The following CCDC178 variants were observed in gnomAD, a reference collection of about 807,000 sequenced individuals.
CCDC178 encodes coiled-coil domain-containing protein 178.
CCDC178 carries 126 observed loss-of-function variants against 117.4 expected under a neutral mutation model. The observed-to-expected ratio is 1.07, with a 90% CI of 0.93 to 1.24. The LOEUF (loss-of-function observed/expected upper bound fraction) is 1.24, where lower values mean the gene tolerates loss of function less well. Ranked by LOEUF, CCDC178 falls within the 50% of genes most tolerant of loss-of-function variation. The pLI, the probability that CCDC178 is intolerant of heterozygous loss-of-function variation, is 0.00. For synonymous variants in CCDC178, 283 were observed against 313.4 expected, an observed-to-expected ratio of 0.90 and a Z score of 1.02; for missense variants, 1,030 against 986.9, an observed-to-expected ratio of 1.04 and a Z score of -0.59.
chr18:33,115,342 A>G (rs1276220992), intron 20 of CCDC178, among the ~76,000 whole-genome samples: 1 of 152,020 alleles, frequency 6.6e-6, no homozygotes, highest in Non-Finnish European at 1.5e-5. Context: ...ATCAAAATGT[A>G]CTATATCCAG....
At chr18:33,366,482 C>G (rs1274072303) in intron 6 of CCDC178, among the ~76,000 whole-genome samples, 1 of 151,906 alleles carries the variant, frequency 6.6e-6, no homozygotes, top group East Asian at 1.9e-4. Flanking sequence ...GCTTTGACCT[C>G]TAACATTAAA....
At chr18:33,262,624 C>G (rs1372991098) in intron 14 of CCDC178, among the ~76,000 whole-genome samples, 1 of 152,046 alleles carries the variant, frequency 6.6e-6, no homozygotes, top group Non-Finnish European at 1.5e-5. Context: ...CATAAAAACA[C>G]GTATTGCATG....
At chr18:33,007,263 G>C (rs949432050) in intron 21 of CCDC178, among the ~76,000 whole-genome samples, 1 of 151,880 alleles carries the variant, frequency 6.6e-6, no homozygotes, top group East Asian at 1.9e-4. Context: ...AACACAGAAA[G>C]TTATAGTTGT....
chr18:32,946,444 T>C (rs1242258773), intron 22 of CCDC178, among the ~76,000 whole-genome samples: 1 of 152,176 alleles, frequency 6.6e-6, no homozygotes, highest in East Asian at 1.9e-4. Flanking sequence ...GACCTAAAAG[T>C]ATCAAGACTA....
intron 20 of CCDC178, among the ~76,000 whole-genome samples, chr18:33,166,856 T>C (rs959877669): frequency 2.6e-5 from 4 of 152,168 alleles, no homozygotes; most frequent in African/African-American, 7.2e-5. Context: ...CAGGGATTGA[T>C]GAAGAGATTA....
At chr18:33,336,002 C>G (rs1211031938) in intron 9 of CCDC178, among the ~76,000 whole-genome samples, 7 of 152,116 alleles carry the variant, frequency 4.6e-5, no homozygotes, top group Admixed American at 4.6e-4. Flanking sequence ...TGTCAGTTGC[C>G]TGACTTTACT....
chr18:33,424,867 C>G (rs753531846), intron 2 of CCDC178, among the ~76,000 whole-genome samples: 28 of 152,288 alleles, frequency 1.8e-4, no homozygotes, highest in Non-Finnish European at 3.7e-4. Context: ...CCTACAGCCC[C>G]GAGTGTTCTT....
rs983581302 is a variant in CCDC178, at chr18:33,287,104, A to G, written c.1176+6055T>C. Among the ~76,000 whole-genome samples the G allele has an allele frequency of 9.9e-5, 15 of 152,228 alleles. No homozygotes were observed. In the East Asian group the frequency reaches 2.9e-3, roughly 29 times the overall value. On this transcript the variant is annotated intron_variant, in intron 12 of 22. Transcript: ENST00000383096. ...TTTTCATAGATCCATGACACAAATT[A>G]GAGAAAAGTGTATGTTAATGAGGTA...
intron 20 of CCDC178, among the ~76,000 whole-genome samples, chr18:33,093,401 A>G (rs186156956): frequency 1.8e-3 from 269 of 152,226 alleles, no homozygotes; most frequent in Non-Finnish European, 3.0e-3. Flanking sequence ...AACATAGATG[A>G]GGAAAGAGTA....
At chr18:33,408,673 G>C (rs2063812558) in intron 3 of CCDC178, among the ~76,000 whole-genome samples, 1 of 151,938 alleles carries the variant, frequency 6.6e-6, no homozygotes, top group South Asian at 2.1e-4. Flanking sequence ...CACATGCAAA[G>C]TATTTTCTAT....
At chr18:33,290,485 T>G (rs1199856626) in intron 12 of CCDC178, among the ~76,000 whole-genome samples, 1 of 152,156 alleles carries the variant, frequency 6.6e-6, no homozygotes, top group Non-Finnish European at 1.5e-5. Flanking sequence ...TAAACAGAGA[T>G]AGATCATGGG....
intron 11 of CCDC178, among the ~76,000 whole-genome samples, chr18:33,296,269 G>C (rs1413467784): frequency 6.6e-6 from 1 of 152,022 alleles, no homozygotes; most frequent in Non-Finnish European, 1.5e-5. Flanking sequence ...TGGTTGTCAG[G>C]AGACAGAGAA....
intron 3 of CCDC178, among the ~76,000 whole-genome samples, chr18:33,400,109 T>C (rs1360207246): frequency 6.6e-6 from 1 of 151,274 alleles, no homozygotes; most frequent in East Asian, 1.9e-4. Flanking sequence ...TTTTTTTTTT[T>C]TTTTTTGAGC....
chr18:33,173,566 G>A (rs921062290), intron 20 of CCDC178, among the ~76,000 whole-genome samples: 1 of 152,132 alleles, frequency 6.6e-6, no homozygotes, highest in Non-Finnish European at 1.5e-5. Context: ...TAAAGTTAGA[G>A]CAACTTCTAA....
intron 21 of CCDC178, among the ~76,000 whole-genome samples, chr18:33,051,369 C>G (rs34536809): frequency 3.9e-5 from 6 of 152,120 alleles, no homozygotes; most frequent in Non-Finnish European, 8.8e-5. Context: ...GCGAGAAACT[C>G]TTCTGATTTA....
chr18:33,418,675 A>G (rs911180944), intron 2 of CCDC178, among the ~76,000 whole-genome samples: 4 of 152,196 alleles, frequency 2.6e-5, no homozygotes, highest in Non-Finnish European at 5.9e-5. Flanking sequence ...GATAAAAATC[A>G]GTAGCATGTC....
At chr18:33,314,183 A>G (rs1356302261) in intron 11 of CCDC178, among the ~76,000 whole-genome samples, 2 of 126,686 alleles carry the variant, frequency 1.6e-5, no homozygotes, top group African/African-American at 3.0e-5. Flanking sequence ...CCTGGGTGAC[A>G]GAGCGAGACT....
intron 2 of CCDC178, among the ~76,000 whole-genome samples, chr18:33,418,179 G>A (rs1388671818): frequency 6.6e-6 from 1 of 152,120 alleles, no homozygotes; most frequent in Admixed American, 6.5e-5. Flanking sequence ...GGGATGCAAG[G>A]CTGGTTCAAC....
chr18:33,077,609 C>T (rs1283232759), intron 21 of CCDC178, among the ~76,000 whole-genome samples: 1 of 152,118 alleles, frequency 6.6e-6, no homozygotes, highest in Admixed American at 6.6e-5. Flanking sequence ...TTACCACTAG[C>T]TCCACAGAAG....
Sources: allele counts gnomAD v4.1 joint callset (sites outside exome capture counted in the v4.1 genomes callset), GRCh38; gene constraint gnomAD v4.1.1; transcripts MANE v1.5; gene names NCBI Gene and HGNC (gene_info 2026-07-23, HGNC 2026-07-21).